NXPE2: variants seen among roughly 807,000 people sequenced by gnomAD.
The protein encoded by NXPE2 is neurexophilin and PC-esterase domain family member 2, also known as NXPE family member 2.
A neutral mutation model predicts 34.4 loss-of-function variants in NXPE2; 34 were observed. The ratio of observed to expected loss-of-function variants is 0.99; its 90% CI spans 0.75 to 1.31. The LOEUF (loss-of-function observed/expected upper bound fraction) is 1.31. Ranked by LOEUF, NXPE2 falls within the 40% of genes most tolerant of loss-of-function variation. The probability of loss-of-function intolerance (pLI) is 0.00; values close to 1 mark genes in which losing one functional copy is unlikely to be tolerated. For synonymous variants in NXPE2, 235 were observed against 231.3 expected (o/e 1.02, Z -0.15); for missense variants, 649 against 672.5 (o/e 0.97, Z 0.39).
At chr11:114,767,756 G>C in the NXPE2 span, among the ~76,000 whole-genome samples, 1 of 152,098 alleles carries the variant, frequency 6.6e-6, no homozygotes, top group African/African-American at 2.4e-5. Context: ...GTACATGATT[G>C]TAAGAAAATC....
the NXPE2 span, among the ~76,000 whole-genome samples, chr11:114,616,124 T>A: frequency 2.7e-5 from 4 of 149,442 alleles, no homozygotes; most frequent in African/African-American, 1.0e-4. Context: ...ACCACTGTTA[T>A]CCGGTGGATA....
the NXPE2 span, among the ~76,000 whole-genome samples, chr11:114,601,516 T>C: frequency 4.9e-4 from 49 of 99,722 alleles, no homozygotes; most frequent in African/African-American, 1.8e-3. Flanking sequence ...AATTATATAT[T>C]ATATATTATA....
chr11:114,533,587 T>G, the NXPE2 span, among the ~76,000 whole-genome samples: 1 of 152,214 alleles, frequency 6.6e-6, no homozygotes, highest in African/African-American at 2.4e-5. Flanking sequence ...ACTCCCACCC[T>G]AATACTGCGC....
the NXPE2 span, among the ~76,000 whole-genome samples, chr11:114,471,624 C>G: frequency 6.6e-6 from 1 of 152,188 alleles, no homozygotes; most frequent in African/African-American, 2.4e-5. Flanking sequence ...GTCCTCATCT[C>G]ATTCTAATAT....
chr11:114,787,914 G>A, the NXPE2 span, among the ~76,000 whole-genome samples: 20,993 of 151,956 alleles, frequency 0.14, 2,103 homozygotes, highest in African/African-American at 0.28. Flanking sequence ...GCTCTTTCCC[G>A]CTTTCTGCAT....
At chr11:114,728,049 T>C in the NXPE2 span, among the ~76,000 whole-genome samples, 2 of 152,092 alleles carry the variant, frequency 1.3e-5, no homozygotes, top group African/African-American at 2.4e-5. Flanking sequence ...AAAAGTCTTC[T>C]GTATTCCTTG....
the NXPE2 span, among the ~76,000 whole-genome samples, chr11:114,763,400 C>G: frequency 6.6e-6 from 1 of 152,210 alleles, no homozygotes; most frequent in East Asian, 1.9e-4. Context: ...TAGCCAAAAG[C>G]AAAACAAAAC....
the NXPE2 span, among the ~76,000 whole-genome samples, chr11:114,490,593 C>T: frequency 0.021 from 3,182 of 152,166 alleles, 107 homozygotes; most frequent in African/African-American, 0.073. Flanking sequence ...CAAAAACAAG[C>T]GATGGGGAAA....
chr11:114,522,546 T>C, the NXPE2 span: 1 of 1,447,238 alleles, frequency 6.9e-7, no homozygotes, highest in Non-Finnish European at 9.3e-7. Flanking sequence ...AAGATAATGG[T>C]TAATATTCAT....
the NXPE2 span, chr11:114,594,766 G>C: frequency 2.2e-6 from 3 of 1,375,040 alleles, no homozygotes; most frequent in South Asian, 2.4e-5. Context: ...TCATGATTAG[G>C]ATCCTACAAG....
the NXPE2 span, among the ~76,000 whole-genome samples, chr11:114,474,568 A>G: frequency 2.0e-5 from 3 of 152,194 alleles, no homozygotes; most frequent in Non-Finnish European, 4.4e-5. Flanking sequence ...TTCAGCAGTG[A>G]TTGATGACTT....
the NXPE2 span, among the ~76,000 whole-genome samples, chr11:114,506,311 TAGAC>T: frequency 6.6e-6 from 1 of 152,114 alleles, no homozygotes; most frequent in Non-Finnish European, 1.5e-5. Context: ...CTGACAGTAT[TAGAC>T]AGATCATTAA....
the NXPE2 span, among the ~76,000 whole-genome samples, chr11:114,740,447 G>A: frequency 1.3e-5 from 2 of 152,198 alleles, no homozygotes; most frequent in South Asian, 2.1e-4. Context: ...CAAGTTCTTC[G>A]ACATACTGTT....
the NXPE2 span, among the ~76,000 whole-genome samples, chr11:114,563,777 C>T: frequency 6.6e-6 from 1 of 152,106 alleles, no homozygotes; most frequent in Non-Finnish European, 1.5e-5. Context: ...TGCAAACCAC[C>T]TTACCCCTGA....
the NXPE2 span, among the ~76,000 whole-genome samples, chr11:114,650,804 AG>A: frequency 6.6e-6 from 1 of 151,974 alleles, no homozygotes; most frequent in African/African-American, 2.4e-5. Flanking sequence ...TCTAAGTTCC[AG>A]GTACTTGCCA....
the NXPE2 span, among the ~76,000 whole-genome samples, chr11:114,624,284 A>C: frequency 6.6e-6 from 1 of 152,054 alleles, no homozygotes. Context: ...CTCGTGAGTA[A>C]CCACTGTTAC....
the NXPE2 span, among the ~76,000 whole-genome samples, chr11:114,524,703 T>G: frequency 2.6e-5 from 4 of 152,214 alleles, no homozygotes; most frequent in African/African-American, 7.2e-5. Context: ...GCTGAGAACA[T>G]AGCCTTTAAG....
At chr11:114,805,774 CACAG>C in the NXPE2 span, among the ~76,000 whole-genome samples, 1 of 152,206 alleles carries the variant, frequency 6.6e-6, no homozygotes, top group Non-Finnish European at 1.5e-5. Flanking sequence ...GGGGGCAGGG[CACAG>C]ACAAACAAAA....
the NXPE2 span, among the ~76,000 whole-genome samples, chr11:114,578,705 G>A: frequency 1.3e-5 from 2 of 152,262 alleles, no homozygotes; most frequent in Admixed American, 6.5e-5. Context: ...GCCAGGATCC[G>A]GGGTCATAGA....
Sources: allele counts gnomAD v4.1 joint callset (sites outside exome capture counted in the v4.1 genomes callset), GRCh38; gene constraint gnomAD v4.1.1; transcripts MANE v1.5; gene names NCBI Gene and HGNC (gene_info 2026-07-23, HGNC 2026-07-21).